MID1: variants seen among roughly 807,000 people sequenced by gnomAD.
The protein encoded by MID1 is E3 ubiquitin-protein ligase Midline-1.
MID1 carries 7 observed loss-of-function variants against 40.4 expected under a neutral mutation model. The ratio of observed to expected loss-of-function variants is 0.17; its 90% CI spans 0.10 to 0.33. The LOEUF (loss-of-function observed/expected upper bound fraction) is 0.33. Ranked by LOEUF, MID1 falls within the 10% of genes least tolerant of loss-of-function variation. The probability of loss-of-function intolerance (pLI) is 1.00; values close to 1 mark genes in which losing one functional copy is unlikely to be tolerated. For missense variants in MID1, 367 were observed against 558.5 expected (o/e 0.66, Z 3.46); for synonymous variants, 229 against 221.2 (o/e 1.04, Z -0.31).
At chrX:10,827,230 G>A (rs1034141792) in intron 1 of MID1, among the ~76,000 whole-genome samples, 2 of 111,068 alleles carry the variant, frequency 1.8e-5, no homozygotes, top group Admixed American at 9.6e-5. Flanking sequence ...GATATTGGGA[G>A]GTATCTTACA....
At chrX:10,509,936 G>C (rs1569075958) in intron 3 of MID1, among the ~76,000 whole-genome samples, 1 of 112,227 alleles carries the variant, frequency 8.9e-6, no homozygotes, top group Non-Finnish European at 1.9e-5. Flanking sequence ...AGAAGGAATA[G>C]ACACAGACTT....
rs2043304031 is a variant in MID1 at position 10,716,470 on chromosome X, G to A, written c.-186-96051C>T. On this transcript the variant is annotated intron_variant, in intron 1 of 10. Coordinates refer to the MID1 transcript ENST00000380785. ...TGATGGAAGATCAAATGAATGAAAT[G>A]AAGTGAGAAGAGAAGTTTAGAGAAA... Among the ~76,000 whole-genome samples the A allele has an allele frequency of 2.7e-5, 3 of 111,713 alleles. No homozygotes were observed. In the Admixed American group the frequency reaches 2.9e-4, roughly 11 times the overall value.
At chrX:10,790,329 T>C (rs1426301976) in intron 1 of MID1, among the ~76,000 whole-genome samples, 2 of 109,562 alleles carry the variant, frequency 1.8e-5, no homozygotes, top group East Asian at 5.7e-4. Flanking sequence ...TTTAATTTTT[T>C]GTAGAGATGG....
At chrX:10,793,832 C>G (rs1327696026) in intron 1 of MID1, among the ~76,000 whole-genome samples, 1 of 112,252 alleles carries the variant, frequency 8.9e-6, no homozygotes, top group Admixed American at 9.4e-5. Context: ...CAGAGACTGT[C>G]CTTGTCTACT....
At position 10,482,563 on chromosome X, in the gene MID1, T is replaced by C. The variant is rs1346783512; in HGVS notation, c.930A>G (p.Ala310=). 2 of 1,210,532 alleles carry C rather than the reference T, an allele frequency of 1.7e-6. No individual in the cohort carries two copies. The highest frequency in any genetic ancestry group is 2.2e-6 in the Non-Finnish European group (2 of 894,770). The change falls in exon 5 of 10, where the codon GCA becomes GCG. Residue 310 remains alanine (A), a synonymous_variant. Coordinates refer to ENST00000317552, the MANE Select transcript of MID1 (RefSeq NM_000381.4). ...ANCKQCIERS[A]SLISQAEHSL... ...AGTGTTCCGCTTGGGAGATGAGTGATGCTGACCGCTCAATGCACTGTTTGC... is the reference window on the plus strand; with the variant it reads ...AGTGTTCCGCTTGGGAGATGAGTGACGCTGACCGCTCAATGCACTGTTTGC...
At chrX:10,526,261 C>A in intron 2 of MID1, among the ~76,000 whole-genome samples, 1 of 110,749 alleles carries the variant, frequency 9.0e-6, no homozygotes, top group Non-Finnish European at 1.9e-5. Flanking sequence ...ACAACTTGAT[C>A]TTATGCTTGC....
intron 1 of MID1, among the ~76,000 whole-genome samples, chrX:10,779,361 C>T (rs776558905): frequency 1.8e-5 from 2 of 111,026 alleles, no homozygotes; most frequent in African/African-American, 6.6e-5. Flanking sequence ...TTTGTAGAGA[C>T]GAGGTCTCCC....
In MID1 at chrX:10,816,389, T is replaced by C. The variant is rs945947717; in HGVS notation, c.-187+17165A>G. 9.8e-5 allele frequency among the ~76,000 whole-genome samples: 11 copies of C among 112,390 alleles called. No homozygotes were observed. In the East Asian group the frequency reaches 1.7e-3, roughly 17 times the overall value. Reference sequence around the variant, plus strand: ...TCTACTTAGCACCTATTTAAAATTCTTTATCAAACTGTAATTTCCTCGGAG... The same window carrying C: ...TCTACTTAGCACCTATTTAAAATTCCTTATCAAACTGTAATTTCCTCGGAG... On this transcript the variant is annotated intron_variant, in intron 1 of 10. Transcript: ENST00000380785.
intron 1 of MID1, among the ~76,000 whole-genome samples, chrX:10,599,012 T>C (rs1363993169): frequency 1.8e-5 from 2 of 111,977 alleles, no homozygotes; most frequent in African/African-American, 6.5e-5. Flanking sequence ...GCAATGTCTG[T>C]CTCCTAGATC....
chrX:10,578,264 G>A (rs1457808551), intron 1 of MID1, among the ~76,000 whole-genome samples: 2 of 112,318 alleles, frequency 1.8e-5, no homozygotes, highest in African/African-American at 3.2e-5. Context: ...CATTGTCCTC[G>A]GAAGAGACAC....
chrX:10,455,182 G>A, intron 8 of MID1, 105 bp from the exon 9 acceptor site: 1 of 678,371 alleles, frequency 1.5e-6, no homozygotes. Context: ...ACAGGAACAA[G>A]CCAGCCCTCC....
At chrX:10,678,213 T>A (rs1347168272) in intron 1 of MID1, among the ~76,000 whole-genome samples, 2 of 112,108 alleles carry the variant, frequency 1.8e-5, no homozygotes, top group Non-Finnish European at 3.8e-5. Flanking sequence ...GTCTATATCA[T>A]GTGTTTCAGC....
intron 1 of MID1, among the ~76,000 whole-genome samples, chrX:10,588,676 CCTCTCTCTTTCTGT>C (rs770644517): frequency 2.7e-5 from 3 of 109,958 alleles, no homozygotes; most frequent in Admixed American, 1.9e-4. Context: ...TCTCTTTCTG[CCTCTCTCTTTCTGT>C]CTGCTGGTCT....
chrX:10,728,498 G>C (rs772853469), intron 1 of MID1, among the ~76,000 whole-genome samples: 4 of 112,288 alleles, frequency 3.6e-5, no homozygotes, highest in South Asian at 3.7e-4. Flanking sequence ...GGATGAGTGA[G>C]AATGAAAAAT....
intron 1 of MID1, among the ~76,000 whole-genome samples, chrX:10,760,404 T>C (rs2043669220): frequency 8.9e-6 from 1 of 112,404 alleles, no homozygotes; most frequent in African/African-American, 3.2e-5. Flanking sequence ...TTCTTGGATA[T>C]GTCTCAGATA....
chrX:10,721,236 G>T (rs1350656486), intron 1 of MID1, among the ~76,000 whole-genome samples: 2 of 110,939 alleles, frequency 1.8e-5, no homozygotes, highest in Admixed American at 9.6e-5. Flanking sequence ...ATGAAGTTGG[G>T]TGTTAAGGGG....
intron 5 of MID1, chrX:10,475,200 A>G (rs1422086679): frequency 1.5e-5 from 5 of 330,760 alleles, no homozygotes; most frequent in Non-Finnish European, 5.9e-6. Context: ...CAAACTGCAT[A>G]AAAGGCAAAG....
At chrX:10,485,931 G>A (rs1179508190) in intron 4 of MID1, among the ~76,000 whole-genome samples, 2 of 111,759 alleles carry the variant, frequency 1.8e-5, no homozygotes, top group African/African-American at 6.5e-5. Context: ...ATTTTGTTGA[G>A]CTTTGGCCTT....
intron 1 of MID1, among the ~76,000 whole-genome samples, chrX:10,827,824 GA>G (rs1447683475): frequency 9.0e-6 from 1 of 110,980 alleles, no homozygotes; most frequent in Non-Finnish European, 1.9e-5. Context: ...GCACGGTGCA[GA>G]AAAGCACAGA....
Sources: gnomAD v4.1 joint callset for allele counts (sites outside exome capture counted in the v4.1 genomes callset) on GRCh38, gnomAD v4.1.1 for gene constraint, MANE v1.5 for transcripts, NCBI Gene and HGNC (gene_info 2026-07-23, HGNC 2026-07-21) for gene names.